Variants in GASK1A observed in about 807,000 individuals in gnomAD.
GASK1A encodes the protein golgi associated kinase 1A, also known as Golgi-associated kinase 1A.
In GASK1A, 40 loss-of-function variants were observed where a neutral mutation model predicts 41.2. That is an observed-to-expected ratio of 0.97 (90% CI 0.75 to 1.27). The LOEUF is 1.27. Ranked by LOEUF, GASK1A falls within the 50% of genes most tolerant of loss-of-function variation. The pLI is 0.00. For missense variants in GASK1A, 678 were observed against 745.1 expected, an observed-to-expected ratio of 0.91 and a Z score of 1.05; for synonymous variants, 316 against 307.1, an observed-to-expected ratio of 1.03 and a Z score of -0.30.
rs1384244654 is a variant in GASK1A at position 43,033,436 on chromosome 3, C to T, written c.1173C>T (p.Gly391=). Residue 391 remains glycine (G), a synonymous_variant, in exon 2 of 5, where the codon GGC becomes GGT. Coordinates refer to ENST00000430121, the MANE Select transcript of GASK1A (RefSeq NM_001129908.3). ...AGGATCAGAACTCTCTGGCCTTGGG[C>T]TGGCTGCAGTATCAGGCCCTGCTGG... ...PDEDQNSLAL[G]WLQYQALLAH... 6.4e-7 allele frequency: 1 copy of T among 1,551,456 alleles called. No individual in the cohort carries two copies. The highest frequency in any genetic ancestry group is 8.7e-7 in the Non-Finnish European group (1 of 1,146,998).
chr3:43,050,244 T>C (rs1413538490), intron 2 of GASK1A, among the ~76,000 whole-genome samples: 3 of 152,188 alleles, frequency 2.0e-5, no homozygotes, highest in Non-Finnish European at 4.4e-5. Flanking sequence ...GTTCTGTTAA[T>C]GTCTTCATTT....
intron 1 of GASK1A, among the ~76,000 whole-genome samples, chr3:43,004,454 A>T (rs1292486652): frequency 6.6e-6 from 1 of 152,182 alleles, no homozygotes; most frequent in African/African-American, 2.4e-5. Context: ...CTTATGAGTG[A>T]TCGTCACACA....
At chr3:43,024,358 G>C (rs1333433956) in intron 1 of GASK1A, among the ~76,000 whole-genome samples, 1 of 152,164 alleles carries the variant, frequency 6.6e-6, no homozygotes, top group Admixed American at 6.5e-5. Context: ...AGCTGCATTT[G>C]CTCTCGCAAT....
intron 2 of GASK1A, among the ~76,000 whole-genome samples, chr3:43,038,850 A>G (rs781007658): frequency 2.0e-5 from 3 of 152,172 alleles, no homozygotes. Context: ...ACTAAGTAGG[A>G]TCTTACTGTA....
chr3:43,001,455 A>G (rs779590213), intron 1 of GASK1A, among the ~76,000 whole-genome samples: 1 of 152,374 alleles, frequency 6.6e-6, no homozygotes, highest in Non-Finnish European at 1.5e-5. Flanking sequence ...GCCAGATATT[A>G]TGAAATATTG....
intron 1 of GASK1A, among the ~76,000 whole-genome samples, chr3:43,007,252 T>C (rs1451848393): frequency 6.6e-6 from 1 of 152,234 alleles, no homozygotes; most frequent in Non-Finnish European, 1.5e-5. Context: ...TGTTGGATAC[T>C]TGGGGGGCCC....
chr3:43,039,659 C>A (rs929220722), intron 2 of GASK1A, among the ~76,000 whole-genome samples: 2 of 152,098 alleles, frequency 1.3e-5, no homozygotes, highest in Admixed American at 1.3e-4. Flanking sequence ...GTTTTTCGAT[C>A]CTCTCCCTCC....
intron 1 of GASK1A, among the ~76,000 whole-genome samples, chr3:43,018,148 C>G (rs2089503664): frequency 1.3e-5 from 2 of 152,182 alleles, no homozygotes; most frequent in South Asian, 4.1e-4. Context: ...ATGCTTAGCA[C>G]CCTCCTATAC....
At position 43,057,636 on chromosome 3, in the gene GASK1A, G is replaced by T. The variant is rs547945585; in HGVS notation, c.*1250G>T. 2 of 152,196 alleles carry T rather than the reference G, an allele frequency of 1.3e-5. No individual in the cohort carries two copies. Among genetic ancestry groups the T allele is most frequent in the South Asian group, 2.1e-4 (1 of 4,822 alleles). The allele number at this position is 152,196 out of a possible 1,614,324, so 9.4% of individuals were successfully genotyped here. On this transcript the variant is annotated 3_prime_UTR_variant, in exon 5 of 5. Transcript: ENST00000430121. ...ATGTTTGCCCTTTGCTTGTTAATTTGTTGGAAATCTTTGACTCTAATAAGT... is the reference window on the plus strand; with the variant it reads ...ATGTTTGCCCTTTGCTTGTTAATTTTTTGGAAATCTTTGACTCTAATAAGT...
intron 1 of GASK1A, among the ~76,000 whole-genome samples, chr3:42,990,893 C>A (rs1374180478): frequency 6.6e-6 from 1 of 152,130 alleles, no homozygotes; most frequent in Non-Finnish European, 1.5e-5. Context: ...GGGTAAGGGG[C>A]CGGACCCAAA....
chr3:43,015,405 G>T (rs1391613141), intron 1 of GASK1A, among the ~76,000 whole-genome samples: 2 of 146,776 alleles, frequency 1.4e-5, no homozygotes, highest in African/African-American at 5.1e-5. Flanking sequence ...TCACAGGTAG[G>T]GGCTGTGTGA....
In GASK1A at chr3:42,984,291, T is replaced by G. The variant is rs1298848011; in HGVS notation, c.3+4646T>G. ...CCGCCCTTCTTTATGTGGATTTCAC[T>G]TCCTATCTCTCTCTCTCTCTCTTTC... On this transcript the variant is annotated intron_variant, in intron 1 of 4. Transcript: ENST00000430121. The surrounding 1 kb of genome is among the most constrained non-coding windows in gnomAD (Gnocchi z 4.2). Among the ~76,000 whole-genome samples the G allele has an allele frequency of 8.7e-6, 1 of 115,102 alleles. No homozygotes were observed. The highest frequency in any genetic ancestry group is 3.3e-4 in the East Asian group (1 of 2,988). 75.5% of individuals were successfully genotyped at this position (115,102 alleles called of 152,430 possible). A position where few individuals can be genotyped will look rare whatever the true frequency, so the allele number is the denominator to read the frequency against.
chr3:43,012,749 A>C (rs1385689119), intron 1 of GASK1A, among the ~76,000 whole-genome samples: 1 of 151,312 alleles, frequency 6.6e-6, no homozygotes, highest in East Asian at 2.0e-4. Context: ...AGTCACATGA[A>C]GGGGCTATGT....
At position 43,033,263 on chromosome 3, in the gene GASK1A, G is replaced by C; in HGVS notation, c.1000G>C (p.Val334Leu). The stretch of plus-strand genomic sequence containing the variant: ...CCTGCCTGAGGTCCTGTCCTTCCAC[G>C]TAGATCGTGTGCTGGGGCTGCGCCG... ...GDLPEVLSFHVDRVLGLRRSL... is the reference protein window; with the variant it reads ...GDLPEVLSFHLDRVLGLRRSL... The change falls in exon 2 of 5, where the codon GTA (valine) becomes CTA (leucine). Residue 334 changes from valine to leucine, a missense_variant. By Grantham distance (32) the Val-to-Leu change is conservative. Transcript: ENST00000430121. 1 of 1,551,692 alleles carries C rather than the reference G, an allele frequency of 6.4e-7. No homozygotes were observed. Among genetic ancestry groups the C allele is most frequent in the Non-Finnish European group, 8.7e-7 (1 of 1,147,004 alleles).
At chr3:43,015,691 T>G (rs1292100946) in intron 1 of GASK1A, among the ~76,000 whole-genome samples, 2 of 146,680 alleles carry the variant, frequency 1.4e-5, no homozygotes, top group Non-Finnish European at 3.0e-5. Flanking sequence ...AGAGGCAGTG[T>G]GAAGCCACAG....
At chr3:42,991,150 C>A (rs1160103419) in intron 1 of GASK1A, among the ~76,000 whole-genome samples, 1 of 151,938 alleles carries the variant, frequency 6.6e-6, no homozygotes, top group South Asian at 2.1e-4. Context: ...TTCTATAAGT[C>A]TCCTTTTCCT....
At chr3:43,026,431 G>A (rs1401367164) in intron 1 of GASK1A, among the ~76,000 whole-genome samples, 2 of 152,196 alleles carry the variant, frequency 1.3e-5, no homozygotes, top group Non-Finnish European at 2.9e-5. Context: ...GAACAGCAAT[G>A]TTTCTTAACA....
At chr3:43,054,968 G>A (rs894692384) in intron 3 of GASK1A, among the ~76,000 whole-genome samples, 5 of 152,164 alleles carry the variant, frequency 3.3e-5, no homozygotes, top group Non-Finnish European at 7.4e-5. Flanking sequence ...CTCACAGCCG[G>A]TGGCCCCGAG....
chr3:43,014,013 C>T (rs376080469), intron 1 of GASK1A, among the ~76,000 whole-genome samples: 7 of 144,256 alleles, frequency 4.9e-5, no homozygotes, highest in African/African-American at 7.8e-5. Flanking sequence ...CTTTGAAAAG[C>T]GGCAGGAAGG....
Sources: allele counts gnomAD v4.1 joint callset (sites outside exome capture counted in the v4.1 genomes callset), GRCh38; gene constraint gnomAD v4.1.1; non-coding constraint Gnocchi (gnomAD v3.1); transcripts MANE v1.5; gene names NCBI Gene and HGNC (gene_info 2026-07-23, HGNC 2026-07-21).